Variants in PTPRN2 observed in about 807,000 individuals in gnomAD.
PTPRN2 encodes protein tyrosine phosphatase receptor type N2, also known as receptor-type tyrosine-protein phosphatase N2.
PTPRN2 carries 74 observed loss-of-function variants against 118.8 expected under a neutral mutation model. The observed-to-expected ratio is 0.62, with a 90% CI of 0.52 to 0.76. The LOEUF (loss-of-function observed/expected upper bound fraction) is 0.76. PTPRN2 is among the 30% of genes least tolerant of loss of function. PTPRN2 has a pLI of 0.00. For missense variants in PTPRN2, 1,481 were observed against 1,394.4 expected, an observed-to-expected ratio of 1.06 and a Z score of -0.99; for synonymous variants, 641 against 608.0, an observed-to-expected ratio of 1.05 and a Z score of -0.80.
rs551542111 is a variant in PTPRN2, at chr7:157,878,263, G to A, written c.1788+20410C>T. On this transcript the variant is annotated intron_variant, in intron 12 of 22. Transcript: ENST00000389418. ...AGCACGGACCCTGAGGCTCCTTAAA[G>A]GGGCTGGAAGGGTCAGTGTGATACC... Among the ~76,000 whole-genome samples, 12 of 152,368 alleles carry A rather than the reference G, an allele frequency of 7.9e-5. No individual in the cohort carries two copies. The South Asian group carries it at 2.3e-3, about 29-fold the overall frequency.
chr7:157,665,646 A>AG (rs5888725), intron 13 of PTPRN2, among the ~76,000 whole-genome samples: 1 of 152,064 alleles, frequency 6.6e-6, no homozygotes, highest in African/African-American at 2.4e-5. Flanking sequence ...AACTAAGAAA[A>AG]GGACTATAAA....
At chr7:157,978,980 C>T (rs543567510) in intron 11 of PTPRN2, among the ~76,000 whole-genome samples, 1 of 152,086 alleles carries the variant, frequency 6.6e-6, no homozygotes, top group Non-Finnish European at 1.5e-5. Context: ...GGGGGTGGCT[C>T]TCTGGAGTTG....
chr7:157,891,974 G>A lies in PTPRN2; in HGVS notation c.1788+6699C>T, dbSNP rs117921389. On this transcript the variant is annotated intron_variant, in intron 12 of 22. Transcript: ENST00000389418. The stretch of plus-strand genomic sequence containing the variant: ...TTCTTCTCAGATTCCTCTTGTTCAC[G>A]CTCCTGAGCCTGCAGGGGCTCTGCT... Among the ~76,000 whole-genome samples, 756 of 152,292 alleles carry A rather than the reference G, an allele frequency of 5.0e-3. 2 individuals are homozygous for A. The highest frequency in any genetic ancestry group is 8.8e-3 in the Non-Finnish European group (598 of 68,026).
At chr7:158,507,675 G>T (rs144084913) in intron 1 of PTPRN2, among the ~76,000 whole-genome samples, 1,516 of 146,374 alleles carry the variant, frequency 0.01, 13 homozygotes, top group African/African-American at 0.037. Flanking sequence ...ACATCCAGGG[G>T]ACAGCCCTGC....
chr7:157,768,071 G>A (rs1242778), intron 12 of PTPRN2, among the ~76,000 whole-genome samples: 50,194 of 151,978 alleles, frequency 0.33, 10,994 homozygotes, highest in African/African-American at 0.62. Flanking sequence ...TCTTCCAAAC[G>A]GTAAAAACAA....
chr7:158,306,812 C>T (rs1347914463), intron 3 of PTPRN2, among the ~76,000 whole-genome samples: 1 of 151,124 alleles, frequency 6.6e-6, no homozygotes, highest in Non-Finnish European at 1.5e-5. Context: ...CTTGGGGAAG[C>T]CAAATGGCTT....
intron 11 of PTPRN2, among the ~76,000 whole-genome samples, chr7:157,972,951 G>A (rs1368392325): frequency 6.6e-6 from 1 of 152,000 alleles, no homozygotes; most frequent in South Asian, 2.1e-4. Flanking sequence ...TCCACACCAC[G>A]AGAGCAGGCT....
intron 11 of PTPRN2, among the ~76,000 whole-genome samples, chr7:158,043,561 A>C (rs116324625): frequency 0.012 from 1,889 of 152,368 alleles, 45 homozygotes; most frequent in African/African-American, 0.043. Context: ...AAGCTCCTGC[A>C]GGAGAGAATG....
chr7:158,376,179 C>T (rs564142363), intron 2 of PTPRN2, among the ~76,000 whole-genome samples: 1 of 152,304 alleles, frequency 6.6e-6, no homozygotes, highest in African/African-American at 2.4e-5. Flanking sequence ...TATCTGTGTG[C>T]TCTCCCTTCC....
At chr7:157,896,697 G>A (rs1002092051) in intron 12 of PTPRN2, among the ~76,000 whole-genome samples, 2 of 152,154 alleles carry the variant, frequency 1.3e-5, no homozygotes, top group Non-Finnish European at 2.9e-5. Flanking sequence ...CCAGGCTCAC[G>A]TGTGCGTAGA....
Position 157,869,558 on chromosome 7 carries a change from G to T in PTPRN2, c.1788+29115C>A, listed in dbSNP as rs1810925730. On this transcript the variant is annotated intron_variant, in intron 12 of 22. Coordinates refer to ENST00000389418, the MANE Select transcript of PTPRN2 (RefSeq NM_002847.5). The surrounding 1 kb of genome is among the most constrained non-coding windows in gnomAD (Gnocchi z 4.2). ...ATTCCCAAGGCACTGAGGACCTTGG[G>T]AATTTAGCCACATCAATGCAGTCTT... 6.6e-6 allele frequency among the ~76,000 whole-genome samples: 1 copy of T among 152,128 alleles called. No homozygotes were observed. The highest frequency in any genetic ancestry group is 6.5e-5 in the Admixed American group (1 of 15,274).
chr7:157,612,873 G>A (rs2150604948), intron 15 of PTPRN2, among the ~76,000 whole-genome samples: 1 of 152,316 alleles, frequency 6.6e-6, no homozygotes. Flanking sequence ...GGTGGGAGCA[G>A]CTCCGGCGGC....
intron 2 of PTPRN2, among the ~76,000 whole-genome samples, chr7:158,487,215 G>T (rs1300989207): frequency 6.6e-6 from 1 of 152,210 alleles, no homozygotes; most frequent in South Asian, 2.1e-4. Flanking sequence ...TGGCTGTTGT[G>T]CATTAACTGC....
intron 2 of PTPRN2, among the ~76,000 whole-genome samples, chr7:158,346,197 T>C (rs1807499696): frequency 6.6e-6 from 1 of 152,246 alleles, no homozygotes; most frequent in Admixed American, 6.5e-5. Flanking sequence ...AGTTTTGAGA[T>C]GTATAACCGT....
At chr7:158,123,775 C>A (rs1006342647) in intron 9 of PTPRN2, among the ~76,000 whole-genome samples, 1 of 152,210 alleles carries the variant, frequency 6.6e-6, no homozygotes, top group Non-Finnish European at 1.5e-5. Context: ...GTCTATATAG[C>A]GTCACCTTTA....
At chr7:157,910,679 C>A (rs1798052004) in intron 11 of PTPRN2, among the ~76,000 whole-genome samples, 1 of 151,726 alleles carries the variant, frequency 6.6e-6, no homozygotes, top group Non-Finnish European at 1.5e-5. Flanking sequence ...CAAAACACAG[C>A]CAGAAAGATG....
intron 11 of PTPRN2, among the ~76,000 whole-genome samples, chr7:157,937,516 T>A (rs1206189224): frequency 2.0e-5 from 3 of 152,226 alleles, no homozygotes; most frequent in Non-Finnish European, 4.4e-5. Context: ...GATGAGAGAA[T>A]AAAGCCGTGT....
chr7:158,337,074 C>A (rs137996365), intron 2 of PTPRN2, among the ~76,000 whole-genome samples: 3 of 138,002 alleles, frequency 2.2e-5, no homozygotes, highest in East Asian at 2.2e-4. Context: ...GAGCTGACAC[C>A]CGCAGACGTC....
At chr7:157,699,885 T>C (rs1797984297) in intron 12 of PTPRN2, among the ~76,000 whole-genome samples, 1 of 152,236 alleles carries the variant, frequency 6.6e-6, no homozygotes, top group African/African-American at 2.4e-5. Flanking sequence ...TGCGGTGGGA[T>C]GCACGCTGGC....
Sources: gnomAD v4.1 joint callset for allele counts (sites outside exome capture counted in the v4.1 genomes callset) on GRCh38, gnomAD v4.1.1 for gene constraint, Gnocchi (gnomAD v3.1) non-coding constraint, MANE v1.5 for transcripts, NCBI Gene and HGNC (gene_info 2026-07-23, HGNC 2026-07-21) for gene names.